PPP6R3: variants seen among roughly 807,000 people sequenced by gnomAD.
The protein encoded by PPP6R3 is serine/threonine-protein phosphatase 6 regulatory subunit 3.
PPP6R3 carries 38 observed loss-of-function variants against 110.7 expected under a neutral mutation model. The observed-to-expected ratio is 0.34, with a 90% CI of 0.26 to 0.45. PPP6R3 has a LOEUF of 0.45. Ranked by LOEUF, PPP6R3 falls within the 20% of genes least tolerant of loss-of-function variation. The pLI, the probability that PPP6R3 is intolerant of heterozygous loss-of-function variation, is 1.00. For missense variants in PPP6R3, 870 were observed against 1,062.4 expected (o/e 0.82, Z 2.52); for synonymous variants, 369 against 373.5 (o/e 0.99, Z 0.14).
At chr11:68,477,735 A>ATAT (rs1458541567) in intron 1 of PPP6R3, among the ~76,000 whole-genome samples, 2 of 64,156 alleles carry the variant, frequency 3.1e-5, no homozygotes, top group African/African-American at 1.2e-4. Flanking sequence ...TCTTAAAAAA[A>ATAT]AAAAAAATAT....
In PPP6R3 at chr11:68,576,056, A is replaced by G. The variant is rs993938048; in HGVS notation, c.1545+13A>G. ...CACGGTAGATCTAGTAGGTTTTACA[A>G]GGTTACATTTTTATTCTTTCAGTGC... On this transcript the variant is annotated intron_variant, in intron 14 of 23. Coordinates refer to ENST00000393800, the MANE Select transcript of PPP6R3 (RefSeq NM_001164161.2). The G allele has an allele frequency of 2.6e-6, 4 of 1,567,492 alleles. No homozygotes were observed. Among genetic ancestry groups the G allele is most frequent in the Non-Finnish European group, 3.5e-6 (4 of 1,142,818 alleles).
chr11:68,548,313 AG>A lies in PPP6R3; in HGVS notation c.552+112del, dbSNP rs1371509629. The A allele has an allele frequency of 1.7e-5, 24 of 1,405,566 alleles. No individual in the cohort carries two copies. In the African/African-American group the frequency reaches 3.3e-4, roughly 20 times the overall value. The allele number at this position is 1,405,566 out of a possible 1,614,324, so 87.1% of individuals were successfully genotyped here. On this transcript the variant is annotated intron_variant, in intron 5 of 23. Transcript: ENST00000393800. Reference sequence around the variant, plus strand: ...TGCATGGGATTAGGGTTGGTAGCAGAGGGTTGTCTGGGGAGCCGGTAACAGG... The same window carrying A: ...TGCATGGGATTAGGGTTGGTAGCAGAGGTTGTCTGGGGAGCCGGTAACAGG...
At chr11:68,570,438 A>T (rs921236596) in intron 11 of PPP6R3, among the ~76,000 whole-genome samples, 2 of 152,168 alleles carry the variant, frequency 1.3e-5, no homozygotes, top group Admixed American at 1.3e-4. Context: ...TTACTCGCAA[A>T]CCTAAAATGT....
intron 1 of PPP6R3, among the ~76,000 whole-genome samples, chr11:68,477,470 C>G (rs1219602676): frequency 6.6e-6 from 1 of 151,804 alleles, no homozygotes; most frequent in South Asian, 2.1e-4. Context: ...CCTGTTATCC[C>G]GACACTTTGG....
intron 1 of PPP6R3, among the ~76,000 whole-genome samples, chr11:68,506,414 C>CAAAAAAAAAAAAAAAAAAAAAAAAAA (rs67739319): frequency 8.7e-5 from 4 of 46,044 alleles, no homozygotes; most frequent in Non-Finnish European, 8.5e-5. Context: ...CCTTTATACT[C>CAAAAAAAAAAAAAAAAAAAAAAAAAA]AAAAAAAAAA....
intron 1 of PPP6R3, among the ~76,000 whole-genome samples, chr11:68,478,958 T>C (rs2098871828): frequency 6.6e-6 from 1 of 152,130 alleles, no homozygotes; most frequent in Non-Finnish European, 1.5e-5. Context: ...GCCCGGCCAG[T>C]CTGAACGTAA....
chr11:68,464,993 T>C (rs2098735490), intron 1 of PPP6R3, among the ~76,000 whole-genome samples: 3 of 151,944 alleles, frequency 2.0e-5, no homozygotes, highest in Admixed American at 2.0e-4. Flanking sequence ...GTGATTCTCC[T>C]GCCTTAGCCT....
chr11:68,530,751 C>G (rs1392145756), intron 2 of PPP6R3, among the ~76,000 whole-genome samples: 1 of 152,196 alleles, frequency 6.6e-6, no homozygotes, highest in African/African-American at 2.4e-5. Context: ...TCTTTGAAAT[C>G]TCTGAACATT....
At chr11:68,599,100 T>C (rs1465672643) in intron 19 of PPP6R3, among the ~76,000 whole-genome samples, 1 of 152,236 alleles carries the variant, frequency 6.6e-6, no homozygotes, top group African/African-American at 2.4e-5. Context: ...ACACGGGTAC[T>C]TCTTAATCTT....
intron 23 of PPP6R3, among the ~76,000 whole-genome samples, chr11:68,611,821 G>C (rs1175020392): frequency 1.3e-5 from 2 of 152,208 alleles, no homozygotes; most frequent in Non-Finnish European, 2.9e-5. Context: ...ACGTATGACA[G>C]CATGGGATAT....
intron 2 of PPP6R3, among the ~76,000 whole-genome samples, chr11:68,521,588 G>C (rs1209358633): frequency 6.6e-6 from 1 of 152,126 alleles, no homozygotes; most frequent in African/African-American, 2.4e-5. Context: ...TGGTTAGGAG[G>C]GTTCCTGGAG....
chr11:68,495,052 CCATAAAGTTTACTTTT>C (rs2099007415), intron 1 of PPP6R3, among the ~76,000 whole-genome samples: 1 of 136,438 alleles, frequency 7.3e-6, no homozygotes. Context: ...TTGTGATGTA[CCATAAAGTTTACTTTT>C]CATAATTTGG....
chr11:68,522,935 C>T (rs1249816833), intron 2 of PPP6R3, among the ~76,000 whole-genome samples: 1 of 152,196 alleles, frequency 6.6e-6, no homozygotes, highest in African/African-American at 2.4e-5. Context: ...TTCCATCTTT[C>T]TTATCTCTGA....
rs375366341 is a variant in PPP6R3, at chr11:68,523,970, T to C, written c.-7+4319T>C. On this transcript the variant is annotated intron_variant, in intron 2 of 23. Coordinates refer to ENST00000393800, the MANE Select transcript of PPP6R3 (RefSeq NM_001164161.2). ...AGCATCTGGAAGGTTACATAATCTT[T>C]TCTATTTTCTTACTGGAGCTCCATG... Among the ~76,000 whole-genome samples the C allele has an allele frequency of 2.6e-5, 4 of 152,182 alleles. No individual in the cohort carries two copies. The East Asian group carries it at 5.8e-4, about 22-fold the overall frequency.
At chr11:68,515,432 G>A (rs1354918819) in intron 1 of PPP6R3, among the ~76,000 whole-genome samples, 1 of 152,216 alleles carries the variant, frequency 6.6e-6, no homozygotes, top group Admixed American at 6.5e-5. Flanking sequence ...GGGGTGAGGC[G>A]GTAGGGGGGC....
At chr11:68,515,768 C>T (rs1038918960) in intron 1 of PPP6R3, among the ~76,000 whole-genome samples, 1 of 152,176 alleles carries the variant, frequency 6.6e-6, no homozygotes, top group Non-Finnish European at 1.5e-5. Flanking sequence ...CTTCCTTTCT[C>T]CAAATATAAC....
At chr11:68,609,615 T>C (rs1942289250) in intron 22 of PPP6R3, 1 of 1,552,082 alleles carries the variant, frequency 6.4e-7, no homozygotes, top group Non-Finnish European at 8.7e-7. Context: ...CTTCAGAGTG[T>C]TGAAATCCTA....
chr11:68,537,510 A>C (rs2099277020), intron 2 of PPP6R3, 149 bp from the exon 3 acceptor site: 1 of 530,480 alleles, frequency 1.9e-6, no homozygotes, highest in Non-Finnish European at 3.3e-6. Context: ...AACGCATTAA[A>C]AAGTATTTTA....
intron 6 of PPP6R3, among the ~76,000 whole-genome samples, chr11:68,551,430 G>A (rs1013551487): frequency 1.3e-5 from 2 of 152,118 alleles, no homozygotes; most frequent in African/African-American, 4.8e-5. Context: ...TTCTAGAGCC[G>A]GTATTTCATG....
Sources: allele counts gnomAD v4.1 joint callset (sites outside exome capture counted in the v4.1 genomes callset), GRCh38; gene constraint gnomAD v4.1.1; transcripts MANE v1.5; gene names NCBI Gene and HGNC (gene_info 2026-07-23, HGNC 2026-07-21).